NUP210: variants seen among roughly 807,000 people sequenced by gnomAD.
NUP210 encodes the protein nuclear pore membrane glycoprotein 210.
NUP210 carries 151 observed loss-of-function variants against 196.0 expected under a neutral mutation model. The ratio of observed to expected loss-of-function variants is 0.77; its 90% CI spans 0.67 to 0.88. NUP210 has a LOEUF of 0.88. Among genes scored for constraint, NUP210 ranks in the 40% least tolerant of loss-of-function variants. The pLI, the probability that NUP210 is intolerant of heterozygous loss-of-function variation, is 0.00. For synonymous variants in NUP210, 1,070 were observed against 1,052.7 expected, an observed-to-expected ratio of 1.02 and a Z score of -0.32; for missense variants, 2,314 against 2,493.7, an observed-to-expected ratio of 0.93 and a Z score of 1.53.
chr3:13,347,947 G>A lies in NUP210; in HGVS notation c.2835+3932C>T, dbSNP rs1445201161. 3.3e-5 allele frequency among the ~76,000 whole-genome samples: 5 copies of A among 152,178 alleles called. No homozygotes were observed. Among genetic ancestry groups the A allele is most frequent in the African/African-American group, 7.2e-5 (3 of 41,442 alleles). ...AGGTGAAGACCCCAGTGGGCAGGGC[G>A]CCTCCATGGAAGGAAACTTCTGGAC... On this transcript the variant is annotated intron_variant, in intron 20 of 39. Coordinates refer to ENST00000254508, the MANE Select transcript of NUP210 (RefSeq NM_024923.4). The surrounding 1 kb of genome is among the most constrained non-coding windows in gnomAD (Gnocchi z 4.7).
chr3:13,379,663 G>C lies in NUP210; in HGVS notation c.876C>G (p.Pro292=), dbSNP rs756600429. Residue 292 remains proline (P), a synonymous_variant, in exon 7 of 40, where the codon CCC becomes CCG. Coordinates refer to ENST00000254508, the MANE Select transcript of NUP210 (RefSeq NM_024923.4). This position sits in a 1 kb window ranked among gnomAD's most constrained non-coding sequence, Gnocchi z 4.2. The part of the protein sequence containing the change: ...ELQLQNSIPG[P]EGDPARPVAV... Reference sequence around the variant, plus strand: ...CCACCGGCCGGGCTGGGTCTCCTTCGGGGCCCGGGATGCTGTTCTGAAGCT... The same window carrying C: ...CCACCGGCCGGGCTGGGTCTCCTTCCGGGCCCGGGATGCTGTTCTGAAGCT... 1 of 1,613,804 alleles carries C rather than the reference G, an allele frequency of 6.2e-7. No homozygotes were observed. Among genetic ancestry groups the C allele is most frequent in the South Asian group, 1.1e-5 (1 of 91,022 alleles).
chr3:13,366,257 T>C (rs61377622), intron 13 of NUP210, among the ~76,000 whole-genome samples, 166 bp from the exon 14 acceptor site: 10,396 of 152,202 alleles, frequency 0.068, 635 homozygotes, highest in African/African-American at 0.16. Context: ...GCCTCCCAGA[T>C]AGCTGGGACT....
intron 33 of NUP210, among the ~76,000 whole-genome samples, chr3:13,324,092 C>T (rs958411215): frequency 3.9e-5 from 6 of 152,160 alleles, no homozygotes; most frequent in Admixed American, 2.0e-4. Flanking sequence ...GGATGTGGCC[C>T]ATGCAGAGCT....
intron 13 of NUP210, among the ~76,000 whole-genome samples, chr3:13,369,236 A>G (rs1698644296): frequency 1.3e-5 from 2 of 152,174 alleles, no homozygotes; most frequent in East Asian, 1.9e-4. Flanking sequence ...CTTTGGACAA[A>G]TATCTATTCA....
chr3:13,330,764 C>A lies in NUP210; in HGVS notation c.3936-130G>T, dbSNP rs1054017942. 4 of 824,418 alleles carry A rather than the reference C, an allele frequency of 4.9e-6. No individual in the cohort carries two copies. The African/African-American group carries it at 5.2e-5, about 11-fold the overall frequency. 51.1% of individuals were successfully genotyped at this position (824,418 alleles called of 1,614,324 possible). A position where few individuals can be genotyped will look rare whatever the true frequency, so the allele number is the denominator to read the frequency against. ...GAGGAAAAAAGGCCCAATCTTGGCC[C>A]CACGGACCTCAGGACCACGTGCCGT... On this transcript the variant is annotated intron_variant, in intron 29 of 39. Transcript: ENST00000254508.
chr3:13,364,943 T>C (rs1698481544), intron 14 of NUP210, among the ~76,000 whole-genome samples: 1 of 152,226 alleles, frequency 6.6e-6, no homozygotes, highest in Admixed American at 6.5e-5. Flanking sequence ...GGACCGGAGC[T>C]GTCTTCAAGG....
Position 13,343,174 on chromosome 3 carries a change from C to T in NUP210, c.2964+1G>A. Reference sequence around the variant, plus strand: ...TGCCCCGTCATGAAGCTTCCACTGACCTTGTCAACCACACGGATGTACAGC... The same window carrying T: ...TGCCCCGTCATGAAGCTTCCACTGATCTTGTCAACCACACGGATGTACAGC... On this transcript the variant is annotated splice_donor_variant, in intron 21 of 39. Transcript: ENST00000254508. LOFTEE classifies it high-confidence loss of function. The T allele has an allele frequency of 6.2e-7, 1 of 1,614,132 alleles. No homozygotes were observed. Among genetic ancestry groups the T allele is most frequent in the Non-Finnish European group, 8.5e-7 (1 of 1,180,006 alleles).
chr3:13,337,812 T>C (rs1240677124), intron 26 of NUP210, 25 bp downstream of exon 26: 5 of 1,595,880 alleles, frequency 3.1e-6, no homozygotes, highest in East Asian at 4.5e-5. Flanking sequence ...GGAACCAGGA[T>C]TCAGAGCCCA....
chr3:13,333,837 T>A lies in NUP210; in HGVS notation c.3844-1453A>T, dbSNP rs79278798. Among the ~76,000 whole-genome samples the A allele has an allele frequency of 2.0e-3, 303 of 152,264 alleles. 9 individuals are homozygous for A. The East Asian group carries it at 0.054, about 27-fold the overall frequency. On this transcript the variant is annotated intron_variant, in intron 28 of 39. Transcript: ENST00000254508. ...TGCATTCCTATTTTCTCTCTTTAGATGGAGGGGGAGTTGTAAGATATTTCC... is the reference window on the plus strand; with the variant it reads ...TGCATTCCTATTTTCTCTCTTTAGAAGGAGGGGGAGTTGTAAGATATTTCC...
At chr3:13,387,578 G>A (rs368385411) in intron 5 of NUP210, among the ~76,000 whole-genome samples, 17 of 152,208 alleles carry the variant, frequency 1.1e-4, no homozygotes, top group Admixed American at 5.9e-4. Context: ...GGATTTCTCC[G>A]TCTGCCACTT....
intron 33 of NUP210, 48 bp downstream of exon 33, chr3:13,325,747 C>A: frequency 6.2e-7 from 1 of 1,601,478 alleles, no homozygotes. Flanking sequence ...GTCAGGCCCG[C>A]CTCACAGGCC....
chr3:13,345,931 G>A (rs1697704229), intron 20 of NUP210, among the ~76,000 whole-genome samples: 2 of 152,364 alleles, frequency 1.3e-5, no homozygotes, highest in South Asian at 2.1e-4. Context: ...ACTGCTGTCA[G>A]GAGTGGGCAG....
chr3:13,399,585 GTC>G (rs1296378336), intron 2 of NUP210, 138 bp downstream of exon 2: 1 of 1,120,828 alleles, frequency 8.9e-7, no homozygotes. Context: ...CTGGGTGCCT[GTC>G]TCCTGCCTGG....
intron 6 of NUP210, among the ~76,000 whole-genome samples, chr3:13,385,069 A>T (rs1699227403): frequency 6.6e-6 from 1 of 152,170 alleles, no homozygotes; most frequent in East Asian, 1.9e-4. Context: ...CCCTTGCCAG[A>T]AAGAACTGGG....
chr3:13,397,508 G>A lies in NUP210; in HGVS notation c.305-20C>T, dbSNP rs750131540. ...CTGTGGCTGGAGGAACCCCAGGAAG[G>A]GGTCAGCACCAAAGACAGTCCCCGC... On this transcript the variant is annotated intron_variant, in intron 2 of 39. Coordinates refer to ENST00000254508, the MANE Select transcript of NUP210 (RefSeq NM_024923.4). The A allele has an allele frequency of 1.9e-6, 3 of 1,574,220 alleles. No homozygotes were observed. Among genetic ancestry groups the A allele is most frequent in the Admixed American group, 1.8e-5 (1 of 54,208 alleles).
chr3:13,332,250 A>C, intron 29 of NUP210, 43 bp downstream of exon 29: 1 of 1,523,532 alleles, frequency 6.6e-7, no homozygotes, highest in Non-Finnish European at 9.1e-7. Context: ...GGATGCAAGC[A>C]CAGCCGCACA....
Position 13,365,998 on chromosome 3 carries a change from C to A in NUP210, c.1880G>T (p.Gly627Val). Residue 627 changes from glycine (G) to valine (V), a missense_variant, in exon 14 of 40, where the codon GGC (glycine) becomes GTC (valine). By Grantham distance (109) the Gly-to-Val change is moderately radical. Transcript: ENST00000254508. ...STTLLVSYRH[G>V]HVHLSAKITI... ...GATCTTGGCACTCAGGTGGACGTGG[C>A]CGTGTCTGTAGCTCACAAGAAGCGT... 2 of 1,614,214 alleles carry A rather than the reference C, an allele frequency of 1.2e-6. No individual in the cohort carries two copies. Among genetic ancestry groups the A allele is most frequent in the Non-Finnish European group, 1.7e-6 (2 of 1,180,030 alleles).
intron 28 of NUP210, 95 bp downstream of exon 28, chr3:13,335,359 C>T (rs1229644992): frequency 1.4e-5 from 20 of 1,438,186 alleles, no homozygotes; most frequent in Non-Finnish European, 1.7e-5. Context: ...TCAGGTCTCT[C>T]AGCCCCTGCC....
chr3:13,319,351 C>T, intron 37 of NUP210, 26 bp from the exon 38 acceptor site: 1 of 1,572,366 alleles, frequency 6.4e-7, no homozygotes, highest in Non-Finnish European at 8.7e-7. Flanking sequence ...AGATGAGTTA[C>T]CAAAACCACC....
Sources: allele counts gnomAD v4.1 joint callset (sites outside exome capture counted in the v4.1 genomes callset), GRCh38; gene constraint gnomAD v4.1.1; non-coding constraint Gnocchi (gnomAD v3.1); transcripts MANE v1.5; gene names NCBI Gene and HGNC (gene_info 2026-07-23, HGNC 2026-07-21).